The following BCAR3 variants were observed in gnomAD, a reference collection of about 807,000 sequenced individuals.
The protein encoded by BCAR3 is breast cancer anti-estrogen resistance protein 3.
A neutral mutation model predicts 80.1 loss-of-function variants in BCAR3; 37 were observed. That is an observed-to-expected ratio of 0.46 (90% CI 0.36 to 0.61). The LOEUF is 0.61. BCAR3 is among the 20% of genes least tolerant of loss of function. BCAR3 has a pLI of 0.00. For missense variants in BCAR3, 978 were observed against 1,068.2 expected (o/e 0.92, Z 1.18); for synonymous variants, 389 against 418.9 (o/e 0.93, Z 0.87).
intron 2 of BCAR3, among the ~76,000 whole-genome samples, chr1:93,729,713 G>A (rs1179384923): frequency 1.3e-5 from 2 of 152,206 alleles, no homozygotes; most frequent in Non-Finnish European, 2.9e-5. Context: ...TACTGTGGGT[G>A]GGCAGCTCCC....
Position 93,828,492 on chromosome 1 carries a change from G to A in BCAR3, c.-63+17075C>T, listed in dbSNP as rs775599957. Among the ~76,000 whole-genome samples, 135 of 152,208 alleles carry A rather than the reference G, an allele frequency of 8.9e-4. 1 individual carries two copies. Among genetic ancestry groups the A allele is most frequent in the Non-Finnish European group, 1.7e-3 (118 of 68,008 alleles). ...CTGCAGGTTATCCTTGCTCCAGAGG[G>A]GTTCTCCCCTCTGCCTGGGAGGAAG... On this transcript the variant is annotated intron_variant, in intron 2 of 13. Transcript: ENST00000370244.
intron 1 of BCAR3, among the ~76,000 whole-genome samples, chr1:93,675,774 C>T (rs1333662993): frequency 6.6e-6 from 1 of 151,924 alleles, no homozygotes; most frequent in South Asian, 2.1e-4. Flanking sequence ...CAAGTAGCCC[C>T]GACACTCTCT....
chr1:93,658,063 C>A (rs574358973), intron 2 of BCAR3, among the ~76,000 whole-genome samples: 243 of 152,108 alleles, frequency 1.6e-3, no homozygotes, highest in African/African-American at 5.6e-3. Flanking sequence ...GGCTCAGCCT[C>A]CCGAGTAGCT....
Position 93,701,718 on chromosome 1 carries a change from A to G in BCAR3, c.-12+4374T>C, listed in dbSNP as rs868439176. On this transcript the variant is annotated intron_variant, in intron 3 of 13. Coordinates refer to the BCAR3 transcript ENST00000370244. Reference sequence around the variant, plus strand: ...AGGCCTGCCCCTGGGCCTCTCTCCAAGGATGATTCTGTCTCCATTTTTGGT... The same window carrying G: ...AGGCCTGCCCCTGGGCCTCTCTCCAGGGATGATTCTGTCTCCATTTTTGGT... Among the ~76,000 whole-genome samples, 15 of 152,258 alleles carry G rather than the reference A, an allele frequency of 9.9e-5. No homozygotes were observed. In the South Asian group the frequency reaches 1.0e-3, roughly 11 times the overall value.
chr1:93,596,055 C>T (rs559128142), intron 3 of BCAR3, among the ~76,000 whole-genome samples: 2 of 152,214 alleles, frequency 1.3e-5, no homozygotes, highest in African/African-American at 4.8e-5. Context: ...ACAACAGAGC[C>T]TCTGCCTTCA....
At position 93,571,681 on chromosome 1, in the gene BCAR3, C is replaced by T; in HGVS notation, c.1963G>A (p.Glu655Lys). ...YSFSALMKAL[E>K]MPQITRLEKT... ...AATTGGAAATTTACCTGTGGCATTT[C>T]CAGGGCTTTCATGAGAGCTGAGAAG... The change falls in exon 9 of 12, where the codon GAA (glutamate) becomes AAA (lysine). Residue 655 changes from glutamate (E) to lysine (K), a missense_variant. Coordinates refer to ENST00000260502, the MANE Select transcript of BCAR3 (RefSeq NM_003567.4). 1 of 1,614,120 alleles carries T rather than the reference C, an allele frequency of 6.2e-7. No homozygotes were observed. The highest frequency in any genetic ancestry group is 8.5e-7 in the Non-Finnish European group (1 of 1,180,026).
chr1:93,815,823 G>A (rs1397380014), intron 2 of BCAR3, among the ~76,000 whole-genome samples: 4 of 152,148 alleles, frequency 2.6e-5, no homozygotes, highest in Non-Finnish European at 5.9e-5. Context: ...ATTTTACAGT[G>A]GTTTATTAGG....
intron 2 of BCAR3, among the ~76,000 whole-genome samples, chr1:93,759,948 C>A (rs955157257): frequency 2.6e-5 from 4 of 152,178 alleles, no homozygotes; most frequent in Non-Finnish European, 5.9e-5. Flanking sequence ...GATCTCCATT[C>A]CTTGGGCCAC....
intron 2 of BCAR3, among the ~76,000 whole-genome samples, chr1:93,726,242 T>C (rs1042886807): frequency 1.3e-5 from 2 of 151,150 alleles, no homozygotes; most frequent in Non-Finnish European, 3.0e-5. Context: ...TTTAAATATA[T>C]TTTTTTTTGA....
Position 93,567,459 on chromosome 1 carries a change from C to A in BCAR3, c.2119G>T (p.Val707Phe), listed in dbSNP as rs763985526. 7.9e-5 allele frequency: 127 copies of A among 1,614,110 alleles called. No individual in the cohort carries two copies. The highest frequency in any genetic ancestry group is 1.1e-4 in the Non-Finnish European group (125 of 1,180,054). Residue 707 changes from valine (V) to phenylalanine (F), a missense_variant, in exon 11 of 12, where the codon GTC becomes TTC. Transcript: ENST00000260502. ...GTCACAAGCGGCATCAGCAGTGGGA[C>A]TGATACATTGTTTGGGGGAACACAT... is the stretch of plus-strand genomic sequence containing the variant. ...STCVPPNNVS[V>F]PLLMPLVTLM...
intron 2 of BCAR3, among the ~76,000 whole-genome samples, chr1:93,808,332 GA>G (rs973152020): frequency 2.0e-5 from 3 of 151,934 alleles, no homozygotes; most frequent in African/African-American, 7.3e-5. Flanking sequence ...ACAGATTCCA[GA>G]AAAAAACCAC....
chr1:93,772,822 T>G (rs1186588167), intron 2 of BCAR3, among the ~76,000 whole-genome samples: 1 of 152,098 alleles, frequency 6.6e-6, no homozygotes, highest in African/African-American at 2.4e-5. Context: ...ACAAGGATGG[T>G]CTCTATCTCT....
In BCAR3 at chr1:93,674,632, C is replaced by A. The variant is rs776366339; in HGVS notation, c.299G>T (p.Gly100Val). ...IQESPWQDRH[G>V]ETFTFRDPHL... ...AAGTTACCTGAAGGTGAAGGTTTCG[C>A]CGTGCCGGTCCTGCCATGGGCTCTC... The change falls in exon 2 of 12, where the codon GGC becomes GTC. Residue 100 changes from glycine (G) to valine (V), a missense_variant. By Grantham distance (109) the Gly-to-Val change is moderately radical. Transcript: ENST00000260502. 4 of 1,613,090 alleles carry A rather than the reference C, an allele frequency of 2.5e-6. No individual in the cohort carries two copies. The East Asian group carries it at 8.9e-5, about 36-fold the overall frequency.
chr1:93,718,648 G>A (rs953931362), intron 2 of BCAR3, among the ~76,000 whole-genome samples: 11 of 149,746 alleles, frequency 7.3e-5, no homozygotes, highest in African/African-American at 2.7e-4. Context: ...TAAAGTAAAT[G>A]CTGTCTAATT....
Position 93,592,111 on chromosome 1 carries a change from A to G in BCAR3, c.486+154T>C. 1 of 1,074,566 alleles carries G rather than the reference A, an allele frequency of 9.3e-7. No homozygotes were observed. Among genetic ancestry groups the G allele is most frequent in the Non-Finnish European group, 1.3e-6 (1 of 771,454 alleles). The allele number at this position is 1,074,566 out of a possible 1,614,324, so 66.6% of individuals were successfully genotyped here. On this transcript the variant is annotated intron_variant, in intron 4 of 11. Transcript: ENST00000260502. The surrounding 1 kb of genome is among the most constrained non-coding windows in gnomAD (Gnocchi z 4.8). ...TCAGCTCTTCCCAAGGTCTTCTTAG[A>G]GAAGGGTCTAAATGAAGTCATTTTT...
At chr1:93,702,996 C>T (rs1378720329) in intron 3 of BCAR3, among the ~76,000 whole-genome samples, 1 of 152,212 alleles carries the variant, frequency 6.6e-6, no homozygotes, top group Non-Finnish European at 1.5e-5. Context: ...AGAGCCTGCC[C>T]TCTGTGGTCC....
intron 2 of BCAR3, among the ~76,000 whole-genome samples, chr1:93,764,986 A>G (rs1652096035): frequency 6.6e-6 from 1 of 152,178 alleles, no homozygotes; most frequent in Non-Finnish European, 1.5e-5. Context: ...CTCTTACGCC[A>G]GGCAGCCCTA....
intron 2 of BCAR3, among the ~76,000 whole-genome samples, chr1:93,663,773 C>T (rs1267231253): frequency 6.6e-6 from 1 of 152,186 alleles, no homozygotes; most frequent in African/African-American, 2.4e-5. Context: ...GTGGCCCTGG[C>T]TCCTCATTAC....
intron 3 of BCAR3, among the ~76,000 whole-genome samples, chr1:93,608,464 C>T (rs766473988): frequency 3.9e-5 from 6 of 152,220 alleles, no homozygotes; most frequent in African/African-American, 7.2e-5. Context: ...GCTGACCTCT[C>T]GCGCAGGCTG....
Sources: gnomAD v4.1 joint callset for allele counts (sites outside exome capture counted in the v4.1 genomes callset) on GRCh38, gnomAD v4.1.1 for gene constraint, Gnocchi (gnomAD v3.1) non-coding constraint, MANE v1.5 for transcripts, NCBI Gene and HGNC (gene_info 2026-07-23, HGNC 2026-07-21) for gene names.